The following AKAP13 variants were observed in gnomAD, a reference collection of about 807,000 sequenced individuals.
AKAP13 encodes A-kinase anchor protein 13.
In AKAP13, 80 loss-of-function variants were observed where a neutral mutation model predicts 264.5. The observed-to-expected ratio is 0.30, with a 90% confidence interval of 0.25 to 0.36. The LOEUF (loss-of-function observed/expected upper bound fraction) is 0.36, where lower values mean the gene tolerates loss of function less well. Ranked by LOEUF, AKAP13 falls within the 10% of genes least tolerant of loss-of-function variation. The pLI, the probability that AKAP13 is intolerant of heterozygous loss-of-function variation, is 1.00. For synonymous variants in AKAP13, 1,380 were observed against 1,250.2 expected, an observed-to-expected ratio of 1.10 and a Z score of -2.19; for missense variants, 3,712 against 3,435.2, an observed-to-expected ratio of 1.08 and a Z score of -2.01.
chr15:85,712,485 A>G (rs1282475415), intron 19 of AKAP13, among the ~76,000 whole-genome samples: 1 of 151,776 alleles, frequency 6.6e-6, no homozygotes, highest in Non-Finnish European at 1.5e-5. Flanking sequence ...TGTCTTTCTT[A>G]AAAACAAATG....
chr15:85,441,354 G>A (rs1012125274), intron 1 of AKAP13, among the ~76,000 whole-genome samples: 16 of 151,916 alleles, frequency 1.1e-4, no homozygotes, highest in Non-Finnish European at 2.4e-4. Flanking sequence ...TACTGTTTTT[G>A]TATTGAGTTA....
intron 1 of AKAP13, among the ~76,000 whole-genome samples, chr15:85,388,313 A>G (rs981950261): frequency 6.6e-5 from 10 of 151,966 alleles, no homozygotes; most frequent in Non-Finnish European, 1.0e-4. Context: ...CCAAAGTGCT[A>G]GGATTACAGG....
At chr15:85,480,625 G>A (rs1011308418) in intron 1 of AKAP13, among the ~76,000 whole-genome samples, 1 of 151,826 alleles carries the variant, frequency 6.6e-6, no homozygotes, top group Non-Finnish European at 1.5e-5. Context: ...TGGGGGTGGG[G>A]GGGTTAAGCT....
rs1291087804 is a variant in AKAP13 at position 85,722,123 on chromosome 15, A to G, written c.6378+7A>G. ...TTTTCAAGCCTTTGTAAAGGTATTG[A>G]TAAGAAACATGAAAATCCCCGTTAT... On this transcript the variant is annotated splice_region_variant and intron_variant, in intron 24 of 36. Transcript: ENST00000394518. The G allele has an allele frequency of 1.2e-6, 2 of 1,613,418 alleles. No homozygotes were observed. The highest frequency in any genetic ancestry group is 1.7e-5 in the Admixed American group (1 of 59,840).
chr15:85,558,720 G>A (rs964416392), intron 5 of AKAP13, among the ~76,000 whole-genome samples: 1 of 152,102 alleles, frequency 6.6e-6, no homozygotes, highest in African/African-American at 2.4e-5. Flanking sequence ...TTCATATTTA[G>A]TTCTTAATCT....
chr15:85,702,038 G>C, intron 17 of AKAP13: 1 of 151,880 alleles, frequency 6.6e-6, no homozygotes, highest in East Asian at 2.0e-4. Context: ...GAGATCAGGC[G>C]TTCAAGACCA....
chr15:85,617,025 T>A (rs1286600086), intron 8 of AKAP13, among the ~76,000 whole-genome samples: 1 of 152,244 alleles, frequency 6.6e-6, no homozygotes, highest in Non-Finnish European at 1.5e-5. Flanking sequence ...GGTTAGTCTT[T>A]ATGTCTCAAA....
At chr15:85,407,995 G>A (rs1370879732) in intron 1 of AKAP13, among the ~76,000 whole-genome samples, 1 of 151,682 alleles carries the variant, frequency 6.6e-6, no homozygotes, top group Non-Finnish European at 1.5e-5. Flanking sequence ...TTGAATGGAT[G>A]AAACTTGTTG....
At chr15:85,515,011 G>C (rs1420872951) in intron 2 of AKAP13, among the ~76,000 whole-genome samples, 2 of 137,484 alleles carry the variant, frequency 1.5e-5, no homozygotes, top group South Asian at 2.2e-4. Flanking sequence ...ATTTGGGAAG[G>C]CCTGTGAAAC....
At chr15:85,443,040 A>T (rs1430772424) in intron 1 of AKAP13, among the ~76,000 whole-genome samples, 3 of 152,094 alleles carry the variant, frequency 2.0e-5, no homozygotes, top group Non-Finnish European at 4.4e-5. Flanking sequence ...AGTATGTGGT[A>T]GGTTTGAAAA....
At chr15:85,500,127 A>G (rs1039346564) in intron 2 of AKAP13, among the ~76,000 whole-genome samples, 1 of 152,198 alleles carries the variant, frequency 6.6e-6, no homozygotes, top group African/African-American at 2.4e-5. Context: ...TCATCAGCCA[A>G]TAAATGAAAC....
intron 4 of AKAP13, among the ~76,000 whole-genome samples, chr15:85,541,905 G>C (rs1366438467): frequency 6.6e-6 from 1 of 152,228 alleles, no homozygotes; most frequent in African/African-American, 2.4e-5. Context: ...CAGGGCATCA[G>C]CTTCTGAGCA....
At chr15:85,624,407 G>A (rs1048719970) in intron 8 of AKAP13, 1 of 152,226 alleles carries the variant, frequency 6.6e-6, no homozygotes. Flanking sequence ...AGGAGGAATA[G>A]TCTGTCTCTA....
chr15:85,581,588 G>A lies in AKAP13; in HGVS notation c.3520G>A (p.Ala1174Thr), dbSNP rs147919379. 68 of 1,614,144 alleles carry A rather than the reference G, an allele frequency of 4.2e-5. No individual in the cohort carries two copies. Among genetic ancestry groups the A allele is most frequent in the Admixed American group, 1.2e-4 (7 of 60,024 alleles). ...AGACCACAGCTGTACCATGGGTGAC[G>A]CTGAGGAAGCCCAAATAGACGATGA... ...GADHSCTMGDAEEAQIDDEAH... is the reference protein window; with the variant it reads ...GADHSCTMGDTEEAQIDDEAH... Residue 1174 changes from alanine to threonine, a missense_variant, in exon 7 of 37, where the codon GCT (alanine) becomes ACT (threonine). Around this residue, in one of 3 missense-constraint regions of AKAP13, gnomAD observed 2,759 missense variants for 2,411.7 expected, o/e 1.14. Transcript: ENST00000394518.
At chr15:85,561,840 G>C (rs1022704547) in intron 5 of AKAP13, among the ~76,000 whole-genome samples, 1 of 152,192 alleles carries the variant, frequency 6.6e-6, no homozygotes, top group African/African-American at 2.4e-5. Context: ...ACTAACTTCT[G>C]TACCCATATC....
chr15:85,721,169 G>T (rs1427673549), intron 23 of AKAP13, among the ~76,000 whole-genome samples: 1 of 152,208 alleles, frequency 6.6e-6, no homozygotes, highest in Non-Finnish European at 1.5e-5. Context: ...TTTGGTGCTA[G>T]AATTCACAGT....
At chr15:85,539,745 C>T (rs1171616625) in intron 4 of AKAP13, among the ~76,000 whole-genome samples, 1 of 152,134 alleles carries the variant, frequency 6.6e-6, no homozygotes, top group Non-Finnish European at 1.5e-5. Context: ...TGCCTTCCTT[C>T]TCTGTGGGTA....
Position 85,743,832 on chromosome 15 carries a change from C to A in AKAP13, c.8392+7C>A. ...AGCCGCTCTCAGCCCGGTGGTGAGTCACGCACACCTGCTCTCCCTGTGGCC... is the reference window on the plus strand; with the variant it reads ...AGCCGCTCTCAGCCCGGTGGTGAGTAACGCACACCTGCTCTCCCTGTGGCC... On this transcript the variant is annotated splice_region_variant and intron_variant, in intron 36 of 36. Transcript: ENST00000394518. The A allele has an allele frequency of 6.2e-7, 1 of 1,602,020 alleles. No homozygotes were observed. The highest frequency in any genetic ancestry group is 1.1e-5 in the South Asian group (1 of 89,672).
At chr15:85,537,595 C>T (rs996429696) in intron 4 of AKAP13, among the ~76,000 whole-genome samples, 15 of 152,214 alleles carry the variant, frequency 9.9e-5, no homozygotes, top group Non-Finnish European at 1.6e-4. Context: ...TTTCTTAAGT[C>T]TCCCTGAACT....
Sources: gnomAD v4.1 joint callset for allele counts (sites outside exome capture counted in the v4.1 genomes callset) on GRCh38, gnomAD v4.1.1 for gene constraint, gnomAD v4.1.1 regional missense constraint, MANE v1.5 for transcripts, NCBI Gene and HGNC (gene_info 2026-07-23, HGNC 2026-07-21) for gene names.